Variants in SBF2 observed in about 807,000 individuals in gnomAD.
SBF2 encodes myotubularin-related protein 13.
In SBF2, 112 loss-of-function variants were observed where a neutral mutation model predicts 225.2. The ratio of observed to expected loss-of-function variants is 0.50; its 90% confidence interval spans 0.43 to 0.58. SBF2 has a LOEUF of 0.58. Among genes scored for constraint, SBF2 ranks in the 20% least tolerant of loss-of-function variants. The pLI is 0.00. For synonymous variants in SBF2, 763 were observed against 773.3 expected (o/e 0.99, Z 0.22); for missense variants, 1,996 against 2,206.2 (o/e 0.90, Z 1.91).
At chr11:10,189,821 T>TA (rs1957089723) in intron 2 of SBF2, among the ~76,000 whole-genome samples, 2 of 152,030 alleles carry the variant, frequency 1.3e-5, no homozygotes, top group African/African-American at 4.8e-5. Flanking sequence ...AATAATGATA[T>TA]AAAAAAATTC....
At chr11:10,282,698 A>G (rs907062545) in intron 1 of SBF2, among the ~76,000 whole-genome samples, 3 of 152,176 alleles carry the variant, frequency 2.0e-5, no homozygotes, top group Non-Finnish European at 4.4e-5. Context: ...CATTTCCACC[A>G]TAAAAACGTT....
chr11:10,132,067 G>GT (rs1419697727), intron 2 of SBF2, among the ~76,000 whole-genome samples: 8 of 152,264 alleles, frequency 5.3e-5, no homozygotes, highest in South Asian at 2.1e-4. Flanking sequence ...TTTGGTCTAA[G>GT]TTTTTTGTCT....
chr11:9,829,707 T>C, intron 27 of SBF2: 1 of 526,632 alleles, frequency 1.9e-6, no homozygotes. Context: ...TTACCACACC[T>C]ACTTCTTGAT....
At chr11:9,974,569 A>G (rs1215457712) in intron 13 of SBF2, among the ~76,000 whole-genome samples, 3 of 150,980 alleles carry the variant, frequency 2.0e-5, no homozygotes, top group African/African-American at 7.3e-5. Flanking sequence ...ACTCTCACTC[A>G]CCTGCTGAAA....
At chr11:10,070,651 T>C (rs954738749) in intron 2 of SBF2, among the ~76,000 whole-genome samples, 9 of 152,216 alleles carry the variant, frequency 5.9e-5, no homozygotes, top group Middle Eastern at 3.2e-3. Context: ...GGCTCTTTTT[T>C]GGTTCCATAT....
chr11:9,868,366 A>AAAG (rs1554933292), intron 17 of SBF2, among the ~76,000 whole-genome samples: 3 of 114,868 alleles, frequency 2.6e-5, no homozygotes, highest in South Asian at 2.8e-4. Flanking sequence ...AAAAAAAAAA[A>AAAG]AATTAGGCGG....
intron 6 of SBF2, among the ~76,000 whole-genome samples, chr11:10,016,171 G>T (rs915850510): frequency 3.9e-5 from 6 of 152,054 alleles, no homozygotes; most frequent in African/African-American, 1.2e-4. Context: ...TTCATAATCA[G>T]TATCATTTAG....
chr11:9,931,608 C>T (rs1348543261), intron 16 of SBF2, among the ~76,000 whole-genome samples: 1 of 152,126 alleles, frequency 6.6e-6, no homozygotes, highest in African/African-American at 2.4e-5. Flanking sequence ...ACATCTACAC[C>T]AAAACCCCAT....
chr11:9,995,806 C>T (rs1347651111), intron 9 of SBF2, among the ~76,000 whole-genome samples: 2 of 140,996 alleles, frequency 1.4e-5, no homozygotes, highest in Non-Finnish European at 3.0e-5. Flanking sequence ...TGCACCACCA[C>T]ACCCGGCTAA....
At chr11:9,912,028 A>AT (rs1351865723) in intron 16 of SBF2, among the ~76,000 whole-genome samples, 1 of 152,190 alleles carries the variant, frequency 6.6e-6, no homozygotes, top group Non-Finnish European at 1.5e-5. Context: ...TTTTTTTGTT[A>AT]TTTTTTAGCT....
At chr11:10,250,968 T>C (rs983498619) in intron 1 of SBF2, among the ~76,000 whole-genome samples, 2 of 152,232 alleles carry the variant, frequency 1.3e-5, no homozygotes. Flanking sequence ...CCTAGGATCA[T>C]GGATCAAGAC....
chr11:9,873,205 CAAAAAAAAAAAAAAA>C (rs56013344), intron 17 of SBF2, among the ~76,000 whole-genome samples: 2 of 60,648 alleles, frequency 3.3e-5, no homozygotes, highest in African/African-American at 1.5e-4. Flanking sequence ...GACTCTGTCT[CAAAAAAAAAAAAAAA>C]AAAAAAAAAA....
At chr11:10,061,450 C>A (rs960360715) in intron 2 of SBF2, among the ~76,000 whole-genome samples, 1 of 152,174 alleles carries the variant, frequency 6.6e-6, no homozygotes, top group African/African-American at 2.4e-5. Flanking sequence ...ACCCCAGGCT[C>A]AGCCCAAAAG....
In SBF2 at chr11:10,235,544, C is replaced by A. The variant is rs560424788; in HGVS notation, c.56-41557G>T. ...CTCCATCTCAAAAAAAAAAAAAAAA[C>A]CAAAAAACTCAATTGAGAACCTTGA... On this transcript the variant is annotated intron_variant, in intron 1 of 39. Transcript: ENST00000256190. 2.0e-3 allele frequency among the ~76,000 whole-genome samples: 298 copies of A among 147,612 alleles called. 1 individual carries two copies. Among genetic ancestry groups the A allele is most frequent in the African/African-American group, 6.5e-3 (261 of 40,004 alleles).
chr11:10,063,858 C>CACAGAGAGAGAG (rs373423157), intron 2 of SBF2, among the ~76,000 whole-genome samples: 99 of 136,222 alleles, frequency 7.3e-4, no homozygotes, highest in East Asian at 1.8e-3. Flanking sequence ...CACACACACA[C>CACAGAGAGAGAG]AGAGAGAGAG....
chr11:10,197,133 GACA>G (rs1164878753), intron 1 of SBF2, among the ~76,000 whole-genome samples: 1 of 152,038 alleles, frequency 6.6e-6, no homozygotes, highest in Non-Finnish European at 1.5e-5. Context: ...GAGGCATTCT[GACA>G]ACATTTCTTC....
At chr11:10,249,749 T>C (rs1960173472) in intron 1 of SBF2, among the ~76,000 whole-genome samples, 1 of 137,438 alleles carries the variant, frequency 7.3e-6, no homozygotes. Context: ...GTCCATAGCA[T>C]TGGAATGCTA....
At chr11:9,838,507 AG>A (rs1855882090) in intron 26 of SBF2, 1 of 152,212 alleles carries the variant, frequency 6.6e-6, no homozygotes, top group South Asian at 2.1e-4. Context: ...GCATACTCAG[AG>A]TGCCAATTTT....
At chr11:9,837,444 A>G (rs1408164157) in intron 26 of SBF2, among the ~76,000 whole-genome samples, 2 of 152,236 alleles carry the variant, frequency 1.3e-5, no homozygotes, top group East Asian at 3.8e-4. Context: ...ATCTTTATAT[A>G]ATAAACTTCT....
Sources: allele counts gnomAD v4.1 joint callset (sites outside exome capture counted in the v4.1 genomes callset), GRCh38; gene constraint gnomAD v4.1.1; transcripts MANE v1.5; gene names NCBI Gene and HGNC (gene_info 2026-07-23, HGNC 2026-07-21).